The following WIF1 variants were observed in gnomAD, a reference collection of about 807,000 sequenced individuals.
WIF1 encodes the protein Wnt inhibitory factor 1.
A neutral mutation model predicts 53.5 loss-of-function variants in WIF1; 35 were observed. The observed-to-expected ratio is 0.65, with a 90% CI of 0.50 to 0.87. The LOEUF (loss-of-function observed/expected upper bound fraction) is 0.87, where lower values mean the gene tolerates loss of function less well. Ranked by LOEUF, WIF1 falls within the 40% of genes least tolerant of loss-of-function variation. WIF1 has a pLI of 0.00. For missense variants in WIF1, 467 were observed against 476.8 expected (o/e 0.98, Z 0.19); for synonymous variants, 171 against 170.4 (o/e 1.00, Z -0.03).
chr12:65,077,325 A>G (rs116461872), intron 3 of WIF1, among the ~76,000 whole-genome samples: 2,501 of 151,704 alleles, frequency 0.016, 77 homozygotes, highest in African/African-American at 0.058. Flanking sequence ...TTCAAATTCT[A>G]ATTTAATACA....
chr12:65,085,581 C>T (rs969364534), intron 2 of WIF1, among the ~76,000 whole-genome samples: 3 of 152,126 alleles, frequency 2.0e-5, no homozygotes, highest in Non-Finnish European at 2.9e-5. Context: ...GGGAAAGCAC[C>T]TTCTCATGCA....
intron 7 of WIF1, among the ~76,000 whole-genome samples, chr12:65,061,488 T>G (rs951005458): frequency 6.6e-6 from 1 of 152,140 alleles, no homozygotes; most frequent in Non-Finnish European, 1.5e-5. Context: ...AGCATGTGCT[T>G]TGGTGCTATC....
intron 2 of WIF1, among the ~76,000 whole-genome samples, chr12:65,079,999 T>C (rs1371162816): frequency 6.6e-6 from 1 of 152,122 alleles, no homozygotes; most frequent in African/African-American, 2.4e-5. Flanking sequence ...ATGAAAGATA[T>C]TAAGAGATAC....
At chr12:65,112,335 A>G (rs1180353758) in intron 2 of WIF1, among the ~76,000 whole-genome samples, 1 of 151,642 alleles carries the variant, frequency 6.6e-6, no homozygotes, top group Non-Finnish European at 1.5e-5. Context: ...TCTAGACTCC[A>G]TTAAAAATGA....
chr12:65,081,147 G>A (rs1882943282), intron 2 of WIF1, among the ~76,000 whole-genome samples: 1 of 151,602 alleles, frequency 6.6e-6, no homozygotes, highest in Admixed American at 6.6e-5. Context: ...CATTAATCAT[G>A]TACCCTCCTT....
intron 2 of WIF1, among the ~76,000 whole-genome samples, chr12:65,092,937 C>T (rs1341696972): frequency 6.6e-6 from 1 of 152,080 alleles, no homozygotes; most frequent in African/African-American, 2.4e-5. Context: ...CTCTCTTGTC[C>T]ATGACCCCTC....
intron 5 of WIF1, 140 bp from the exon 6 acceptor site, chr12:65,066,876 T>G (rs1045488106): frequency 3.7e-5 from 17 of 455,562 alleles, no homozygotes; most frequent in Non-Finnish European, 6.4e-5. Context: ...AGATACAAGT[T>G]TGCTATATTA....
chr12:65,083,519 A>T (rs2136624873), intron 2 of WIF1, among the ~76,000 whole-genome samples: 1 of 152,244 alleles, frequency 6.6e-6, no homozygotes, highest in South Asian at 2.1e-4. Context: ...TCAGCTCATA[A>T]TCATATAAAA....
At chr12:65,097,052 A>G (rs946987569) in intron 2 of WIF1, among the ~76,000 whole-genome samples, 1 of 151,974 alleles carries the variant, frequency 6.6e-6, no homozygotes, top group Non-Finnish European at 1.5e-5. Context: ...GATCAACAGA[A>G]AAAAACTCGA....
chr12:65,096,183 C>T (rs148863866), intron 2 of WIF1, among the ~76,000 whole-genome samples: 2 of 152,048 alleles, frequency 1.3e-5, no homozygotes, highest in African/African-American at 4.8e-5. Flanking sequence ...AAACAAACAA[C>T]CCCATCAAAA....
At chr12:65,092,136 G>C (rs1369820546) in intron 2 of WIF1, among the ~76,000 whole-genome samples, 1 of 151,972 alleles carries the variant, frequency 6.6e-6, no homozygotes, top group Non-Finnish European at 1.5e-5. Context: ...TCCTTTGCAG[G>C]GACATGGATG....
At chr12:65,065,240 TTCCAAG>T in intron 6 of WIF1, among the ~76,000 whole-genome samples, 1 of 152,140 alleles carries the variant, frequency 6.6e-6, no homozygotes, top group East Asian at 1.9e-4. Flanking sequence ...AATGGCTTAA[TTCCAAG>T]TCTAGAGATA....
chr12:65,105,470 T>C (rs936728075), intron 2 of WIF1, among the ~76,000 whole-genome samples: 1 of 152,226 alleles, frequency 6.6e-6, no homozygotes, highest in Non-Finnish European at 1.5e-5. Context: ...TTGATTCTGG[T>C]AGCTGGAAAG....
rs769885788 is a variant in WIF1, at chr12:65,067,696, T to C, written c.633A>G (p.Lys211=). 5 of 1,612,958 alleles carry C rather than the reference T, an allele frequency of 3.1e-6. No homozygotes were observed. Among genetic ancestry groups the C allele is most frequent in the Non-Finnish European group, 4.2e-6 (5 of 1,179,310 alleles). ...PDGFHGPHCE[K]ALCTPRCMNG... ...AGGGAAATCGGCTCCATGTCTTACC[T>C]TTCTCACAGTGAGGTCCGTGGAACC... Residue 211 remains lysine (K), a splice_region_variant and synonymous_variant, in exon 5 of 10, where the codon AAA becomes AAG. Coordinates refer to ENST00000286574, the MANE Select transcript of WIF1 (RefSeq NM_007191.5).
rs147137324 is a variant in WIF1 at position 65,100,921 on chromosome 12, C to T, written c.288+19496G>A. Reference sequence around the variant, plus strand: ...CCACTTAAAAAAAAACCATGTTTACCGAGTATGTGATAACATGGGAAACTA... The same window carrying T: ...CCACTTAAAAAAAAACCATGTTTACTGAGTATGTGATAACATGGGAAACTA... On this transcript the variant is annotated intron_variant, in intron 2 of 9. Transcript: ENST00000286574. 8.4e-4 allele frequency among the ~76,000 whole-genome samples: 128 copies of T among 152,066 alleles called. 1 individual carries two copies. In the East Asian group the frequency reaches 0.018, roughly 21 times the overall value.
Position 65,120,516 on chromosome 12 carries a change from C to G in WIF1, c.189G>C (p.Met63Ile). The G allele has an allele frequency of 6.2e-7, 1 of 1,614,046 alleles. No homozygotes were observed. The highest frequency in any genetic ancestry group is 8.5e-7 in the Non-Finnish European group (1 of 1,179,978). ...EDILIVSEGK[M>I]APFTHDFRKA... ...TTCTGAAATCATGTGTAAAAGGTGC[C>G]ATTTTCCCCTCTGAAACAATCAGGA... The change falls in exon 2 of 10, where the codon ATG (methionine) becomes ATC (isoleucine). Residue 63 changes from methionine (M) to isoleucine (I), a missense_variant. Physicochemically the swap from Met to Ile is conservative, Grantham distance 10. Coordinates refer to ENST00000286574, the MANE Select transcript of WIF1 (RefSeq NM_007191.5).
chr12:65,068,162 A>T (rs945939006), intron 4 of WIF1, among the ~76,000 whole-genome samples: 1 of 152,088 alleles, frequency 6.6e-6, no homozygotes, highest in African/African-American at 2.4e-5. Flanking sequence ...TCTTTAGAGC[A>T]CTGAAATGCT....
At chr12:65,120,777 G>C (rs1420582825) in intron 1 of WIF1, 3 of 768,906 alleles carry the variant, frequency 3.9e-6, no homozygotes, top group Non-Finnish European at 5.8e-6. Context: ...TGGACATGGA[G>C]TTAACCGACG....
chr12:65,088,705 A>G (rs1178218896), intron 2 of WIF1, among the ~76,000 whole-genome samples: 1 of 151,916 alleles, frequency 6.6e-6, no homozygotes, highest in Non-Finnish European at 1.5e-5. Context: ...TTTTTGATGT[A>G]TACATAGCAA....
Sources: gnomAD v4.1 joint callset for allele counts (sites outside exome capture counted in the v4.1 genomes callset) on GRCh38, gnomAD v4.1.1 for gene constraint, MANE v1.5 for transcripts, NCBI Gene and HGNC (gene_info 2026-07-23, HGNC 2026-07-21) for gene names.